The following DNER variants were observed in gnomAD, a reference collection of about 807,000 sequenced individuals.
The protein encoded by DNER is delta/notch like EGF repeat containing.
A neutral mutation model predicts 78.2 loss-of-function variants in DNER; 33 were observed. That is an observed-to-expected ratio of 0.42 (90% CI 0.32 to 0.56). DNER has a LOEUF of 0.56. DNER is among the 20% of genes least tolerant of loss of function. DNER has a pLI of 0.11. For missense variants in DNER, 918 were observed against 975.3 expected, an observed-to-expected ratio of 0.94 and a Z score of 0.78; for synonymous variants, 417 against 384.8, an observed-to-expected ratio of 1.08 and a Z score of -0.98.
intron 4 of DNER, among the ~76,000 whole-genome samples, chr2:229,580,561 T>C (rs1429462878): frequency 6.6e-6 from 1 of 151,912 alleles, no homozygotes; most frequent in Non-Finnish European, 1.5e-5. Flanking sequence ...AAGGCAAGTA[T>C]AAGAAGCTAG....
intron 7 of DNER, among the ~76,000 whole-genome samples, chr2:229,448,411 T>C (rs1287913695): frequency 6.6e-6 from 1 of 151,790 alleles, no homozygotes; most frequent in Non-Finnish European, 1.5e-5. Context: ...TCCACTGGGG[T>C]GGATGGAAAT....
At chr2:229,655,101 C>G (rs1200711560) in intron 1 of DNER, among the ~76,000 whole-genome samples, 3 of 152,016 alleles carry the variant, frequency 2.0e-5, no homozygotes, top group East Asian at 1.9e-4. Context: ...AATCCCAGTA[C>G]ATTTCCACAT....
Position 229,387,516 on chromosome 2 carries a change from AAAGAAAGAAAGAAAG to A in DNER, c.1855+734_1855+748del, listed in dbSNP as rs767595687. 6.6e-3 allele frequency among the ~76,000 whole-genome samples: 622 copies of A among 93,752 alleles called. 3 individuals carry two copies. Among genetic ancestry groups the A allele is most frequent in the Middle Eastern group, 0.019 (4 of 206 alleles). The allele number at this position is 93,752 out of a possible 152,430, so 61.5% of individuals were successfully genotyped here. ...GAAAGAAAGAAAGAAAGAGAGAAAG[AAAGAAAGAAAGAAAG>A]AAAGAAAGAAAGAAAGAAAGAAAGA... On this transcript the variant is annotated intron_variant, in intron 11 of 12. Coordinates refer to ENST00000341772, the MANE Select transcript of DNER (RefSeq NM_139072.4).
chr2:229,606,705 C>T (rs1697945084), intron 1 of DNER, among the ~76,000 whole-genome samples: 1 of 152,016 alleles, frequency 6.6e-6, no homozygotes, highest in Non-Finnish European at 1.5e-5. Context: ...CCAGACTGAC[C>T]AACATGGTGA....
At chr2:229,553,019 T>C (rs1390174231) in intron 4 of DNER, among the ~76,000 whole-genome samples, 1 of 152,218 alleles carries the variant, frequency 6.6e-6, no homozygotes, top group East Asian at 1.9e-4. Context: ...CAGGGTTACA[T>C]GGCTTCTCAG....
Position 229,431,583 on chromosome 2 carries a change from AG to A in DNER, c.1487-13354del, listed in dbSNP as rs199648739. ...TACTTATTATCTAGGCAAGTGAAAA[AG>A]GAAAAAAAAAAAGTTACTCAGGAGT... is the stretch of plus-strand genomic sequence containing the variant. On this transcript the variant is annotated intron_variant, in intron 8 of 12. Coordinates refer to ENST00000341772, the MANE Select transcript of DNER (RefSeq NM_139072.4). 1.2e-3 allele frequency among the ~76,000 whole-genome samples: 171 copies of A among 147,690 alleles called. 3 individuals carry two copies. The highest frequency in any genetic ancestry group is 4.0e-3 in the African/African-American group (161 of 40,076).
At chr2:229,674,566 A>C (rs2154216920) in intron 1 of DNER, among the ~76,000 whole-genome samples, 1 of 152,312 alleles carries the variant, frequency 6.6e-6, no homozygotes, top group East Asian at 1.9e-4. Context: ...GGTGTGAGCC[A>C]CTGCGCCTGG....
chr2:229,646,615 C>G (rs1574942033), intron 1 of DNER, among the ~76,000 whole-genome samples: 1 of 152,338 alleles, frequency 6.6e-6, no homozygotes, highest in South Asian at 2.1e-4. Context: ...CTCAGGCTCT[C>G]CACAGGAATA....
chr2:229,646,356 G>A (rs1698718884), intron 1 of DNER, among the ~76,000 whole-genome samples: 1 of 152,236 alleles, frequency 6.6e-6, no homozygotes, highest in African/African-American at 2.4e-5. Flanking sequence ...TGTAAACACA[G>A]ATGGCTTGCA....
At chr2:229,594,524 T>C (rs1435198375) in intron 1 of DNER, among the ~76,000 whole-genome samples, 1 of 151,834 alleles carries the variant, frequency 6.6e-6, no homozygotes, top group Non-Finnish European at 1.5e-5. Flanking sequence ...GAGGCAGAGG[T>C]TGCAGTGAGC....
intron 1 of DNER, among the ~76,000 whole-genome samples, chr2:229,681,863 CACAAAT>C (rs1480357152): frequency 6.0e-5 from 9 of 150,426 alleles, no homozygotes; most frequent in Admixed American, 6.6e-5. Context: ...CACACACACA[CACAAAT>C]GTATCGTATA....
At chr2:229,476,764 T>C (rs1695045033) in intron 7 of DNER, among the ~76,000 whole-genome samples, 1 of 151,988 alleles carries the variant, frequency 6.6e-6, no homozygotes, top group Admixed American at 6.6e-5. Flanking sequence ...TAAGACATTA[T>C]GAAGTTGATT....
At chr2:229,502,560 G>A (rs1042044207) in intron 6 of DNER, among the ~76,000 whole-genome samples, 3 of 152,134 alleles carry the variant, frequency 2.0e-5, no homozygotes, top group Admixed American at 6.5e-5. Flanking sequence ...AGGTCTTGAC[G>A]GGAATAGACA....
chr2:229,384,274 A>G (rs1692812033), intron 11 of DNER, among the ~76,000 whole-genome samples: 1 of 152,262 alleles, frequency 6.6e-6, no homozygotes, highest in African/African-American at 2.4e-5. Flanking sequence ...TTTAGAGGGA[A>G]ATTTATAGCA....
At position 229,656,850 on chromosome 2, in the gene DNER, C is replaced by T. The variant is rs115291527; in HGVS notation, c.276+57298G>A. Among the ~76,000 whole-genome samples the T allele has an allele frequency of 8.2e-3, 1,239 of 151,944 alleles. 14 individuals are homozygous for T. The highest frequency in any genetic ancestry group is 0.028 in the African/African-American group (1,176 of 41,438). On this transcript the variant is annotated intron_variant, in intron 1 of 12. Transcript: ENST00000341772. Reference sequence around the variant, plus strand: ...CAATGATTTTTCTCTTTTTTTCTGGCCTTGTTGAGGCATACTTAAGAAATT... The same window carrying T: ...CAATGATTTTTCTCTTTTTTTCTGGTCTTGTTGAGGCATACTTAAGAAATT...
intron 8 of DNER, among the ~76,000 whole-genome samples, chr2:229,442,838 T>A (rs1694264857): frequency 1.3e-5 from 2 of 152,138 alleles, no homozygotes; most frequent in South Asian, 4.1e-4. Context: ...GCAGCTCACA[T>A]GTAAGGCATA....
At chr2:229,537,055 G>T (rs1696417494) in intron 5 of DNER, among the ~76,000 whole-genome samples, 1 of 152,158 alleles carries the variant, frequency 6.6e-6, no homozygotes, top group Non-Finnish European at 1.5e-5. Context: ...TAGTGCGTTG[G>T]TGTAAGGTCC....
chr2:229,471,495 C>G (rs575738873), intron 7 of DNER, among the ~76,000 whole-genome samples: 1 of 152,312 alleles, frequency 6.6e-6, no homozygotes, highest in East Asian at 1.9e-4. Flanking sequence ...TCTCTATAAA[C>G]ATGACTTGAA....
At chr2:229,537,668 A>G (rs1309967239) in intron 5 of DNER, among the ~76,000 whole-genome samples, 1 of 152,208 alleles carries the variant, frequency 6.6e-6, no homozygotes, top group East Asian at 1.9e-4. Flanking sequence ...AACTGTCCGC[A>G]TGGGACATAC....
Sources: gnomAD v4.1 joint callset for allele counts (sites outside exome capture counted in the v4.1 genomes callset) on GRCh38, gnomAD v4.1.1 for gene constraint, MANE v1.5 for transcripts, NCBI Gene and HGNC (gene_info 2026-07-23, HGNC 2026-07-21) for gene names.